SOX5: variants seen among roughly 807,000 people sequenced by gnomAD.
The protein encoded by SOX5 is SRY-box transcription factor 5.
Under a neutral mutation model 92.0 loss-of-function variants are expected in SOX5, and 9 were observed. The observed-to-expected ratio is 0.10, with a 90% CI of 0.06 to 0.17. The LOEUF (loss-of-function observed/expected upper bound fraction) is 0.17, where lower values mean the gene tolerates loss of function less well. Ranked by LOEUF, SOX5 falls within the 10% of genes least tolerant of loss-of-function variation. The pLI is 1.00. For synonymous variants in SOX5, 344 were observed against 336.3 expected, an observed-to-expected ratio of 1.02 and a Z score of -0.25; for missense variants, 642 against 944.5, an observed-to-expected ratio of 0.68 and a Z score of 4.20.
intron 4 of SOX5, among the ~76,000 whole-genome samples, chr12:24,068,729 T>C (rs1425985559): frequency 2.0e-5 from 2 of 99,160 alleles, no homozygotes; most frequent in Non-Finnish European, 4.3e-5. Flanking sequence ...TATATATATA[T>C]ATATATATAT....
intron 8 of SOX5, 149 bp downstream of exon 8, chr12:23,640,663 A>G (rs2079935681): frequency 1.5e-6 from 1 of 652,884 alleles, no homozygotes; most frequent in Non-Finnish European, 2.7e-6. Context: ...CAACATTTCA[A>G]CTTGTGGTTG....
At position 23,931,867 on chromosome 12, in the gene SOX5, T is replaced by G. The variant is rs959502739; in HGVS notation, c.38+17697A>C. Among the ~76,000 whole-genome samples, 3 of 151,688 alleles carry G rather than the reference T, an allele frequency of 2.0e-5. No homozygotes were observed. The East Asian group carries it at 5.8e-4, about 29-fold the overall frequency. On this transcript the variant is annotated intron_variant, in intron 1 of 14. Transcript: ENST00000451604. ...ATTACACGGACTTTGTAATCAATAT[T>G]TTTAGATTACCTGCAAAAAATGGTA...
At chr12:24,323,073 T>C (rs1318577874) in intron 2 of SOX5, among the ~76,000 whole-genome samples, 5 of 152,058 alleles carry the variant, frequency 3.3e-5, no homozygotes, top group Admixed American at 6.6e-5. Context: ...ATCAGTATTA[T>C]CTGGAAAATT....
intron 1 of SOX5, among the ~76,000 whole-genome samples, chr12:23,898,262 T>A (rs893108296): frequency 6.6e-6 from 1 of 152,210 alleles, no homozygotes; most frequent in Admixed American, 6.5e-5. Flanking sequence ...AAGGAGATTA[T>A]CCCTTTGTTA....
chr12:23,761,340 T>A (rs2094557115), intron 3 of SOX5, among the ~76,000 whole-genome samples: 1 of 152,156 alleles, frequency 6.6e-6, no homozygotes, highest in Non-Finnish European at 1.5e-5. Flanking sequence ...GCAAATCTAA[T>A]TAACACTAAA....
chr12:23,794,251 CCTAATA>C (rs139480835), intron 3 of SOX5, among the ~76,000 whole-genome samples: 15,341 of 151,844 alleles, frequency 0.1, 869 homozygotes, highest in East Asian at 0.2. Context: ...CGCATATTTA[CCTAATA>C]CTTATTTACT....
At chr12:23,922,127 C>A (rs1402958960) in intron 1 of SOX5, among the ~76,000 whole-genome samples, 1 of 152,104 alleles carries the variant, frequency 6.6e-6, no homozygotes, top group Admixed American at 6.5e-5. Context: ...CTAGTGTGTT[C>A]GTCCTTTAAA....
intron 2 of SOX5, among the ~76,000 whole-genome samples, chr12:23,853,139 TAC>T (rs933799910): frequency 6.7e-6 from 1 of 149,778 alleles, no homozygotes; most frequent in African/African-American, 2.4e-5. Flanking sequence ...TATATATATA[TAC>T]ACACACATAT....
At chr12:23,602,378 A>G (rs1460269176) in intron 9 of SOX5, among the ~76,000 whole-genome samples, 2 of 152,296 alleles carry the variant, frequency 1.3e-5, no homozygotes, top group African/African-American at 4.8e-5. Flanking sequence ...TTACCTAAAT[A>G]AAATCATTGT....
intron 2 of SOX5, among the ~76,000 whole-genome samples, chr12:24,338,290 T>C (rs548578296): frequency 6.6e-6 from 1 of 152,300 alleles, no homozygotes; most frequent in Admixed American, 6.5e-5. Flanking sequence ...TTTGAAATCA[T>C]TAGTGGACAT....
chr12:24,450,827 T>G (rs977354071), intron 1 of SOX5, among the ~76,000 whole-genome samples: 17 of 152,160 alleles, frequency 1.1e-4, no homozygotes, highest in Non-Finnish European at 1.8e-4. Flanking sequence ...CCAATTATAC[T>G]CTTTTAGTTG....
intron 4 of SOX5, among the ~76,000 whole-genome samples, chr12:24,106,791 A>AAATAATAATAATAATAAT (rs56341402): frequency 5.1e-5 from 7 of 137,482 alleles, no homozygotes; most frequent in South Asian, 4.8e-4. Flanking sequence ...GACTCGTCTC[A>AAATAATAATAATAATAAT]AATAATAATA....
intron 1 of SOX5, among the ~76,000 whole-genome samples, chr12:23,941,560 G>T (rs1943643531): frequency 6.6e-6 from 1 of 151,358 alleles, no homozygotes; most frequent in Admixed American, 6.6e-5. Context: ...CTACTCTCAG[G>T]AATAGCATTC....
intron 2 of SOX5, among the ~76,000 whole-genome samples, chr12:24,339,953 G>A (rs1394024569): frequency 6.6e-6 from 1 of 152,216 alleles, no homozygotes; most frequent in Non-Finnish European, 1.5e-5. Context: ...CCCAGCATCT[G>A]AATGTGAGGG....
chr12:24,198,593 C>A (rs1289123335), intron 4 of SOX5, among the ~76,000 whole-genome samples: 1 of 152,172 alleles, frequency 6.6e-6, no homozygotes, highest in Non-Finnish European at 1.5e-5. Flanking sequence ...GATCCATTAA[C>A]CCTCTTCGTT....
chr12:23,945,799 C>CTGAA (rs1944493496), intron 1 of SOX5, among the ~76,000 whole-genome samples: 7 of 152,148 alleles, frequency 4.6e-5, no homozygotes, highest in Admixed American at 2.6e-4. Context: ...GCCTGCTAAC[C>CTGAA]TGAATGTACT....
intron 3 of SOX5, chr12:23,762,708 G>T: frequency 2.3e-6 from 1 of 426,772 alleles, no homozygotes; most frequent in Non-Finnish European, 4.2e-6. Flanking sequence ...ATTAGTCATA[G>T]GCTTAAATTT....
At chr12:23,592,219 A>G (rs746785096) in intron 9 of SOX5, among the ~76,000 whole-genome samples, 1 of 152,210 alleles carries the variant, frequency 6.6e-6, no homozygotes, top group Non-Finnish European at 1.5e-5. Flanking sequence ...ATACATTTTT[A>G]TCTATTTGAG....
At chr12:23,630,617 A>G (rs2078410607) in intron 8 of SOX5, among the ~76,000 whole-genome samples, 4 of 152,148 alleles carry the variant, frequency 2.6e-5, no homozygotes, top group South Asian at 2.1e-4. Context: ...AATCCAGCAC[A>G]TGGTATTTGA....
Sources: gnomAD v4.1 joint callset for allele counts (sites outside exome capture counted in the v4.1 genomes callset) on GRCh38, gnomAD v4.1.1 for gene constraint, MANE v1.5 for transcripts, NCBI Gene and HGNC (gene_info 2026-07-23, HGNC 2026-07-21) for gene names.